KPNA4: variants seen among roughly 807,000 people sequenced by gnomAD.
KPNA4 encodes the protein importin subunit alpha-3.
KPNA4 carries 13 observed loss-of-function variants against 71.3 expected under a neutral mutation model. The observed-to-expected ratio is 0.18, with a 90% CI of 0.12 to 0.29. The LOEUF is 0.29. Ranked by LOEUF, KPNA4 falls within the 10% of genes least tolerant of loss-of-function variation. The pLI, the probability that KPNA4 is intolerant of heterozygous loss-of-function variation, is 1.00. For synonymous variants in KPNA4, 189 were observed against 195.2 expected, an observed-to-expected ratio of 0.97 and a Z score of 0.26; for missense variants, 334 against 603.2, an observed-to-expected ratio of 0.55 and a Z score of 4.67.
chr3:160,525,974 G>A lies in KPNA4; in HGVS notation c.690C>T (p.His230=). 6.3e-7 allele frequency: 1 copy of A among 1,591,400 alleles called. No homozygotes were observed. ...VTWVMVNLCR[H]KDPPPPMETI... ...TTTCCATTGGTGGTGGTGGGTCTTT[G>A]TGGCGACATAAGTTGACCATAACCC... The change falls in exon 9 of 17, where the codon CAC becomes CAT. Residue 230 remains histidine, a synonymous_variant. Coordinates refer to ENST00000334256, the MANE Select transcript of KPNA4 (RefSeq NM_002268.5).
chr3:160,517,223 G>C (rs895734680), intron 11 of KPNA4, among the ~76,000 whole-genome samples: 1 of 151,962 alleles, frequency 6.6e-6, no homozygotes, highest in African/African-American at 2.4e-5. Flanking sequence ...AAATGTATTT[G>C]GCCTTTTTTG....
intron 1 of KPNA4, among the ~76,000 whole-genome samples, chr3:160,551,950 G>GC (rs1722049561): frequency 1.4e-5 from 2 of 140,186 alleles, no homozygotes; most frequent in Admixed American, 7.0e-5. Context: ...GGGGGGGGGG[G>GC]GGTGATGTGC....
At chr3:160,543,431 G>A (rs939430435) in intron 1 of KPNA4, among the ~76,000 whole-genome samples, 1 of 150,924 alleles carries the variant, frequency 6.6e-6, no homozygotes, top group African/African-American at 2.4e-5. Flanking sequence ...ACCTCAGCCT[G>A]CTGGGTTCAA....
chr3:160,539,199 T>G (rs1365546671), intron 1 of KPNA4, among the ~76,000 whole-genome samples: 2 of 152,194 alleles, frequency 1.3e-5, no homozygotes, highest in East Asian at 3.9e-4. Context: ...CCCTGCCTTA[T>G]TTATCTCTAT....
chr3:160,513,201 G>A (rs141518859), intron 13 of KPNA4, among the ~76,000 whole-genome samples: 10 of 148,570 alleles, frequency 6.7e-5, no homozygotes, highest in African/African-American at 2.2e-4. Context: ...TTTAATTACA[G>A]ATCAGTGTTC....
At chr3:160,510,001 T>A in intron 13 of KPNA4, 130 bp from the exon 14 acceptor site, 1 of 660,492 alleles carries the variant, frequency 1.5e-6, no homozygotes, top group South Asian at 1.8e-5. Context: ...TATATCATTT[T>A]TTCTTATTAA....
intron 12 of KPNA4, chr3:160,515,056 A>T: frequency 3.9e-6 from 2 of 519,322 alleles, no homozygotes; most frequent in South Asian, 2.8e-5. Context: ...ATGCACTCCA[A>T]TATCAGCATC....
chr3:160,528,705 T>C (rs1721509317), intron 7 of KPNA4, among the ~76,000 whole-genome samples: 1 of 152,120 alleles, frequency 6.6e-6, no homozygotes, highest in Non-Finnish European at 1.5e-5. Context: ...TAACAACATG[T>C]GGGTCTTTAA....
chr3:160,518,430 C>T (rs1721274405), intron 11 of KPNA4, among the ~76,000 whole-genome samples: 1 of 151,358 alleles, frequency 6.6e-6, no homozygotes, highest in South Asian at 2.1e-4. Context: ...CCACCGCGCC[C>T]GGCCTATTCT....
Position 160,500,561 on chromosome 3 carries a change from T to A in KPNA4, c.*1543A>T, listed in dbSNP as rs1187112958. 6.6e-6 allele frequency: 1 copy of A among 152,620 alleles called. No individual in the cohort carries two copies. The highest frequency in any genetic ancestry group is 1.5e-5 in the Non-Finnish European group (1 of 68,036). 9.5% of individuals were successfully genotyped at this position (152,620 alleles called of 1,614,324 possible). A position where few individuals can be genotyped will look rare whatever the true frequency, so the allele number is the denominator to read the frequency against. Reference sequence around the variant, plus strand: ...CAAATTAATTTATGTCACATTTAATTTAGTGTGCATAACCTCAAAACTGAG... The same window carrying A: ...CAAATTAATTTATGTCACATTTAATATAGTGTGCATAACCTCAAAACTGAG... On this transcript the variant is annotated 3_prime_UTR_variant, in exon 17 of 17. Transcript: ENST00000334256.
At position 160,495,251 on chromosome 3, in the gene KPNA4, C is replaced by T. The variant is rs1247445035; in HGVS notation, c.*6853G>A. On this transcript the variant is annotated 3_prime_UTR_variant, in exon 17 of 17. Transcript: ENST00000334256. ...GGGGATGGCAAGGATGATAGGTAGG[C>T]CTGGATATACTCCTGACTTCTTGAA... is the stretch of plus-strand genomic sequence containing the variant. 1.3e-5 allele frequency: 2 copies of T among 152,050 alleles called. No individual in the cohort carries two copies. The highest frequency in any genetic ancestry group is 2.9e-5 in the Non-Finnish European group (2 of 68,006). The allele number at this position is 152,050 out of a possible 1,614,324, so 9.4% of individuals were successfully genotyped here. A position where few individuals can be genotyped will look rare whatever the true frequency, so the allele number is the denominator to read the frequency against.
chr3:160,499,018 AC>A lies in KPNA4; in HGVS notation c.*3085del, dbSNP rs1720823574. 1 of 152,248 alleles carries A rather than the reference AC, an allele frequency of 6.6e-6. No homozygotes were observed. Among genetic ancestry groups the A allele is most frequent in the Non-Finnish European group, 1.5e-5 (1 of 68,040 alleles). 9.4% of individuals were successfully genotyped at this position (152,248 alleles called of 1,614,324 possible). ...CTGTTACAATAAACCCAGTCATTTT[AC>A]AATGCAGTTATACCTTTAAAGAAAC... On this transcript the variant is annotated 3_prime_UTR_variant, in exon 17 of 17. Transcript: ENST00000334256.
chr3:160,522,296 G>A (rs76634573), intron 10 of KPNA4, among the ~76,000 whole-genome samples: 2,213 of 152,326 alleles, frequency 0.015, 54 homozygotes, highest in African/African-American at 0.046. Flanking sequence ...AACATGCACA[G>A]TTGTTCAAAA....
intron 13 of KPNA4, among the ~76,000 whole-genome samples, chr3:160,513,052 AATCTTAAT>A (rs890470839): frequency 2.6e-5 from 4 of 152,138 alleles, no homozygotes; most frequent in Non-Finnish European, 5.9e-5. Context: ...ATCACTCAAC[AATCTTAAT>A]ATCACTACAT....
In KPNA4 at chr3:160,514,194, A is replaced by C. The variant is rs777620646; in HGVS notation, c.1033-13T>G. 3 of 1,564,606 alleles carry C rather than the reference A, an allele frequency of 1.9e-6. No homozygotes were observed. In the South Asian group the frequency reaches 3.6e-5, roughly 19 times the overall value. On this transcript the variant is annotated splice_polypyrimidine_tract_variant and intron_variant, in intron 12 of 16. Coordinates refer to ENST00000334256, the MANE Select transcript of KPNA4 (RefSeq NM_002268.5). Reference sequence around the variant, plus strand: ...ACCACACTGCTTCCTGTAGAACAAGAGCATTTGAATATTTCTCATTAAAAA... The same window carrying C: ...ACCACACTGCTTCCTGTAGAACAAGCGCATTTGAATATTTCTCATTAAAAA...
Position 160,515,543 on chromosome 3 carries a change from C to A in KPNA4, c.941G>T (p.Gly314Val). ...AACTACTTGTGTTTGCTCATCAGTT[C>A]CAGTAACAATGTTGCCCACAGCTCT... is the stretch of plus-strand genomic sequence containing the variant. ...ALRAVGNIVTGTDEQTQVVLN... is the reference protein window; with the variant it reads ...ALRAVGNIVTVTDEQTQVVLN... Residue 314 changes from glycine (G) to valine (V), a missense_variant, in exon 12 of 17, where the codon GGA (glycine) becomes GTA (valine). Physicochemically the swap from Gly to Val is moderately radical, Grantham distance 109. Coordinates refer to ENST00000334256, the MANE Select transcript of KPNA4 (RefSeq NM_002268.5). 6.2e-7 allele frequency: 1 copy of A among 1,613,698 alleles called. No homozygotes were observed. The highest frequency in any genetic ancestry group is 1.1e-5 in the South Asian group (1 of 91,056).
intron 11 of KPNA4, among the ~76,000 whole-genome samples, chr3:160,519,630 T>TA (rs1721302931): frequency 6.7e-6 from 1 of 150,234 alleles, no homozygotes; most frequent in African/African-American, 2.5e-5. Context: ...CCGTCTCTAC[T>TA]AAAAAATACA....
In KPNA4 at chr3:160,498,770, T is replaced by C. The variant is rs1020555102; in HGVS notation, c.*3334A>G. On this transcript the variant is annotated 3_prime_UTR_variant, in exon 17 of 17. Coordinates refer to ENST00000334256, the MANE Select transcript of KPNA4 (RefSeq NM_002268.5). Reference sequence around the variant, plus strand: ...ACTGCAGCTCTGGCTGACACCTTTATTGCAGCCTTGTGAGACCCTGAGCAG... The same window carrying C: ...ACTGCAGCTCTGGCTGACACCTTTACTGCAGCCTTGTGAGACCCTGAGCAG... 5 of 152,224 alleles carry C rather than the reference T, an allele frequency of 3.3e-5. No individual in the cohort carries two copies. Among genetic ancestry groups the C allele is most frequent in the Non-Finnish European group, 5.9e-5 (4 of 68,046 alleles). The allele number at this position is 152,224 out of a possible 1,614,324, so 9.4% of individuals were successfully genotyped here. A position where few individuals can be genotyped will look rare whatever the true frequency, so the allele number is the denominator to read the frequency against.
intron 15 of KPNA4, among the ~76,000 whole-genome samples, chr3:160,507,682 T>C (rs1184863529): frequency 6.6e-6 from 1 of 152,200 alleles, no homozygotes; most frequent in African/African-American, 2.4e-5. Flanking sequence ...ACACCTTTCA[T>C]CCCTTTTTAC....
Sources: allele counts gnomAD v4.1 joint callset (sites outside exome capture counted in the v4.1 genomes callset), GRCh38; gene constraint gnomAD v4.1.1; transcripts MANE v1.5; gene names NCBI Gene and HGNC (gene_info 2026-07-23, HGNC 2026-07-21).